MRPS18C: variants seen among roughly 807,000 people sequenced by gnomAD.
MRPS18C encodes the protein mitochondrial ribosomal protein S18C.
MRPS18C carries 21 observed loss-of-function variants against 21.0 expected under a neutral mutation model. The ratio of observed to expected loss-of-function variants is 1.00; its 90% CI spans 0.71 to 1.44. The LOEUF is 1.44. Among genes scored for constraint, MRPS18C ranks in the 40% most tolerant of loss-of-function variants. The pLI, the probability that MRPS18C is intolerant of heterozygous loss-of-function variation, is 0.00. For synonymous variants in MRPS18C, 65 were observed against 54.3 expected, an observed-to-expected ratio of 1.20 and a Z score of -0.87; for missense variants, 152 against 171.5, an observed-to-expected ratio of 0.89 and a Z score of 0.64.
intron 2 of MRPS18C, 77 bp from the exon 3 acceptor site, chr4:83,458,269 T>C: frequency 1.0e-6 from 1 of 1,003,518 alleles, no homozygotes; most frequent in South Asian, 1.4e-5. Flanking sequence ...TTTGAATGGA[T>C]TTGAATGTAG....
In MRPS18C at chr4:83,461,049, C is replaced by T. The variant is rs1224244313; in HGVS notation, c.352+17C>T. The T allele has an allele frequency of 1.9e-6, 3 of 1,612,232 alleles. No homozygotes were observed. The highest frequency in any genetic ancestry group is 2.5e-6 in the Non-Finnish European group (3 of 1,178,664). On this transcript the variant is annotated intron_variant, in intron 5 of 5. Coordinates refer to ENST00000295491, the MANE Select transcript of MRPS18C (RefSeq NM_016067.4). The stretch of plus-strand genomic sequence containing the variant: ...AAATAATGGGTAAGAAAGAATACCT[C>T]AACAACTGAATTGAGCTAGCTGAAA...
At chr4:83,459,480 T>C in intron 3 of MRPS18C, 1 of 340,126 alleles carries the variant, frequency 2.9e-6, no homozygotes, top group Non-Finnish European at 5.3e-6. Context: ...AAGGTATCTG[T>C]GGAAGTCAAG....
chr4:83,459,707 T>C, intron 3 of MRPS18C, 33 bp from the exon 4 acceptor site: 1 of 1,580,672 alleles, frequency 6.3e-7, no homozygotes, highest in South Asian at 1.1e-5. Flanking sequence ...AACAGATACT[T>C]TTTTTTCCCC....
At chr4:83,459,596 CAA>C (rs1722000347) in intron 3 of MRPS18C, 142 bp from the exon 4 acceptor site, 4 of 659,762 alleles carry the variant, frequency 6.1e-6, no homozygotes, top group Admixed American at 3.1e-5. Flanking sequence ...AGGAGGATAA[CAA>C]TATTTTTTTC....
At chr4:83,459,484 A>G (rs1721995142) in intron 3 of MRPS18C, 1 of 343,258 alleles carries the variant, frequency 2.9e-6, no homozygotes, top group South Asian at 5.0e-5. Context: ...TATCTGTGGA[A>G]GTCAAGAAAA....
At chr4:83,459,337 C>T (rs1938920324) in intron 3 of MRPS18C, among the ~76,000 whole-genome samples, 3 of 151,906 alleles carry the variant, frequency 2.0e-5, no homozygotes, top group Non-Finnish European at 2.9e-5. Context: ...ATAGCAAATG[C>T]CTGGTGTACT....
chr4:83,456,981 G>C, intron 2 of MRPS18C, 23 bp downstream of exon 2: 1 of 1,604,888 alleles, frequency 6.2e-7, no homozygotes, highest in Non-Finnish European at 8.5e-7. Context: ...TTTTCTATTA[G>C]TAAGGCCTTT....
chr4:83,458,090 T>C (rs1376595589), intron 2 of MRPS18C: 2 of 366,688 alleles, frequency 5.5e-6, no homozygotes, highest in Admixed American at 5.2e-5. Flanking sequence ...GAGCAAAGCA[T>C]TGGAACACTT....
At chr4:83,458,577 TAAGC>T in intron 3 of MRPS18C, 148 bp downstream of exon 3, 2 of 559,454 alleles carry the variant, frequency 3.6e-6, no homozygotes, top group South Asian at 2.5e-5. Context: ...ATTCTATGTA[TAAGC>T]TTATCTCTGC....
intron 4 of MRPS18C, chr4:83,460,614 C>A (rs1020433099): frequency 1.8e-5 from 4 of 216,296 alleles, no homozygotes; most frequent in Admixed American, 5.4e-5. Context: ...GACTTAAAAA[C>A]TTGTTGAGGC....
At position 83,461,470 on chromosome 4, in the gene MRPS18C, G is replaced by A; in HGVS notation, c.*273G>A. 2.7e-6 allele frequency: 1 copy of A among 376,914 alleles called. No individual in the cohort carries two copies. The highest frequency in any genetic ancestry group is 4.9e-6 in the Non-Finnish European group (1 of 202,764). The allele number at this position is 376,914 out of a possible 1,614,324, so 23.3% of individuals were successfully genotyped here. A position where few individuals can be genotyped will look rare whatever the true frequency, so the allele number is the denominator to read the frequency against. On this transcript the variant is annotated 3_prime_UTR_variant, in exon 6 of 6. Transcript: ENST00000295491. Reference sequence around the variant, plus strand: ...ATACAATAATCCATTCAATAGAATGGAATTAAAACTGTTCAGAATGATTTT... The same window carrying A: ...ATACAATAATCCATTCAATAGAATGAAATTAAAACTGTTCAGAATGATTTT...
intron 4 of MRPS18C, chr4:83,460,703 GGACCA>G (rs1722061013): frequency 2.8e-6 from 1 of 361,228 alleles, no homozygotes; most frequent in African/African-American, 2.2e-5. Flanking sequence ...CAGGAGTTCA[GGACCA>G]GCCTGGCCAA....
chr4:83,458,714 A>C, intron 3 of MRPS18C: 1 of 269,716 alleles, frequency 3.7e-6, no homozygotes, highest in Non-Finnish European at 6.9e-6. Context: ...TGAGGGTCAG[A>C]ACTTTGGAAA....
rs372755419 is a variant in MRPS18C at position 83,459,570 on chromosome 4, A to G, written c.235-170A>G. The G allele has an allele frequency of 3.1e-4, 179 of 579,658 alleles. No homozygotes were observed. The East Asian group carries it at 3.2e-3, about 10-fold the overall frequency. 35.9% of individuals were successfully genotyped at this position (579,658 alleles called of 1,614,324 possible). A position where few individuals can be genotyped will look rare whatever the true frequency, so the allele number is the denominator to read the frequency against. On this transcript the variant is annotated intron_variant, in intron 3 of 5. Transcript: ENST00000295491. The stretch of plus-strand genomic sequence containing the variant: ...ATAGACTTGACACACTGGATAGAAA[A>G]TATTTAAAAGGTAACAGGAGGATAA...
At position 83,461,328 on chromosome 4, in the gene MRPS18C, A is replaced by T; in HGVS notation, c.*131A>T. The T allele has an allele frequency of 1.4e-6, 1 of 709,918 alleles. No homozygotes were observed. Among genetic ancestry groups the T allele is most frequent in the Non-Finnish European group, 2.5e-6 (1 of 401,456 alleles). 44.0% of individuals were successfully genotyped at this position (709,918 alleles called of 1,614,324 possible). The stretch of plus-strand genomic sequence containing the variant: ...GTAAAGAATGACACTTCCCCTTCAT[A>T]CCAATGTCCATTAAGCAGATTGCTT... On this transcript the variant is annotated 3_prime_UTR_variant, in exon 6 of 6. Coordinates refer to ENST00000295491, the MANE Select transcript of MRPS18C (RefSeq NM_016067.4).
At position 83,458,396 on chromosome 4, in the gene MRPS18C, G is replaced by C. The variant is rs368595823; in HGVS notation, c.201G>C (p.Leu67Phe). Residue 67 changes from leucine to phenylalanine, a missense_variant, in exon 3 of 6, where the codon TTG becomes TTC. This residue lies in a region of MRPS18C where 118 missense variants were observed against 104.4 expected (regional missense o/e 1.13). Coordinates refer to ENST00000295491, the MANE Select transcript of MRPS18C (RefSeq NM_016067.4). ...AAGAACCTCTTAAGAAATGTATCTT[G>C]TGTGGAAAGCATGTAGATTATAAGA... ...PYKEPLKKCI[L>F]CGKHVDYKNV... 1.2e-6 allele frequency: 2 copies of C among 1,605,600 alleles called. No homozygotes were observed. Among genetic ancestry groups the C allele is most frequent in the Admixed American group, 1.7e-5 (1 of 59,442 alleles).
intron 1 of MRPS18C, among the ~76,000 whole-genome samples, 178 bp downstream of exon 1, chr4:83,456,355 TTAAAG>T (rs1263375231): frequency 1.3e-5 from 2 of 152,174 alleles, no homozygotes; most frequent in African/African-American, 4.8e-5. Flanking sequence ...ATCCACTCCT[TTAAAG>T]TATTTAAACG....
chr4:83,459,819 G>A, intron 4 of MRPS18C, 22 bp downstream of exon 4: 1 of 1,530,216 alleles, frequency 6.5e-7, no homozygotes, highest in Non-Finnish European at 9.0e-7. Flanking sequence ...TTTATTATGG[G>A]AATATAAATG....
intron 3 of MRPS18C, 65 bp from the exon 4 acceptor site, chr4:83,459,671 TGAAA>T: frequency 7.0e-7 from 1 of 1,430,038 alleles, no homozygotes. Flanking sequence ...GGTTGTTTTT[TGAAA>T]TTTACACATT....
Sources: gnomAD v4.1 joint callset for allele counts (sites outside exome capture counted in the v4.1 genomes callset) on GRCh38, gnomAD v4.1.1 for gene constraint, gnomAD v4.1.1 regional missense constraint, MANE v1.5 for transcripts, NCBI Gene and HGNC (gene_info 2026-07-23, HGNC 2026-07-21) for gene names.